ZNF682: variants seen among roughly 807,000 people sequenced by gnomAD.
The protein encoded by ZNF682 is zinc finger protein 682.
A neutral mutation model predicts 36.5 loss-of-function variants in ZNF682; 29 were observed. The ratio of observed to expected loss-of-function variants is 0.80; its 90% CI spans 0.59 to 1.08. The LOEUF (loss-of-function observed/expected upper bound fraction) is 1.08, where lower values mean the gene tolerates loss of function less well. ZNF682 is among the 50% of genes least tolerant of loss of function. The probability of loss-of-function intolerance (pLI) is 0.00; values close to 1 mark genes in which losing one functional copy is unlikely to be tolerated. For missense variants in ZNF682, 561 were observed against 579.7 expected (o/e 0.97, Z 0.33); for synonymous variants, 180 against 197.0 (o/e 0.91, Z 0.72).
At chr19:20,036,255 T>C (rs2088527707) in intron 1 of ZNF682, among the ~76,000 whole-genome samples, 1 of 152,184 alleles carries the variant, frequency 6.6e-6, no homozygotes, top group Non-Finnish European at 1.5e-5. Flanking sequence ...TCTCTCCAGA[T>C]ACTGAAGAGA....
At chr19:20,012,412 A>G (rs1286402653) in intron 3 of ZNF682, among the ~76,000 whole-genome samples, 1 of 152,218 alleles carries the variant, frequency 6.6e-6, no homozygotes, top group Non-Finnish European at 1.5e-5. Context: ...CAGACAACCT[A>G]TTGGGAGAAA....
chr19:19,999,789 C>G (rs1599598391), downstream of ZNF682, among the ~76,000 whole-genome samples: 3 of 152,302 alleles, frequency 2.0e-5, no homozygotes, highest in African/African-American at 7.2e-5. Context: ...CCTGCCTCGG[C>G]CTCCCAATTG....
downstream of ZNF682, among the ~76,000 whole-genome samples, chr19:20,001,441 C>T (rs146075403): frequency 5.0e-3 from 756 of 152,336 alleles, 4 homozygotes; most frequent in Non-Finnish European, 8.9e-3. Context: ...AGGAGGTGTG[C>T]ATGCACATGT....
In ZNF682 at chr19:20,005,092, T is replaced by G. The variant is rs577563929; in HGVS notation, c.*913A>C. On this transcript the variant is annotated 3_prime_UTR_variant, in exon 4 of 4. Coordinates refer to ENST00000397165, the MANE Select transcript of ZNF682 (RefSeq NM_033196.3). ...CATATAAACTAGCGTTCTTTCTTTT[T>G]TTTTGAGACAGAGTCTCTGTCGCCC... 1 of 152,288 alleles carries G rather than the reference T, an allele frequency of 6.6e-6. No homozygotes were observed. The highest frequency in any genetic ancestry group is 2.4e-5 in the African/African-American group (1 of 41,564). 9.4% of individuals were successfully genotyped at this position (152,288 alleles called of 1,614,324 possible).
chr19:20,032,922 A>G (rs1599618070), intron 1 of ZNF682, among the ~76,000 whole-genome samples: 1 of 152,262 alleles, frequency 6.6e-6, no homozygotes, highest in East Asian at 1.9e-4. Flanking sequence ...TAGTTTTGCA[A>G]CTTGGAGCCA....
At chr19:20,036,004 G>C (rs933043621) in intron 1 of ZNF682, among the ~76,000 whole-genome samples, 1 of 152,112 alleles carries the variant, frequency 6.6e-6, no homozygotes, top group South Asian at 2.1e-4. Context: ...CCAAAGTGCT[G>C]GGATTACAGG....
intron 3 of ZNF682, among the ~76,000 whole-genome samples, chr19:20,018,807 T>C (rs1203513819): frequency 6.6e-6 from 1 of 152,202 alleles, no homozygotes; most frequent in Admixed American, 6.5e-5. Context: ...GACATTGGAC[T>C]TGGCACTAAT....
chr19:20,039,267 G>T, intron 1 of ZNF682, 76 bp downstream of exon 1: 1 of 1,595,574 alleles, frequency 6.3e-7, no homozygotes, highest in East Asian at 2.2e-5. Flanking sequence ...GGAGGCCCCA[G>T]TCCCGTCACT....
chr19:20,003,565 C>T (rs555292706), downstream of ZNF682, among the ~76,000 whole-genome samples: 4 of 151,816 alleles, frequency 2.6e-5, no homozygotes, highest in East Asian at 1.9e-4. Flanking sequence ...ATTAGCTGGG[C>T]GTGGTGGTGG....
chr19:19,997,324 G>A (rs1015936106), intron 3 of ZNF682: 2 of 398,404 alleles, frequency 5.0e-6, no homozygotes, highest in Non-Finnish European at 8.8e-6. Flanking sequence ...CTACAGCAAA[G>A]CCTTTTCATA....
chr19:20,014,551 C>T (rs1303884467), intron 3 of ZNF682, among the ~76,000 whole-genome samples: 1 of 150,184 alleles, frequency 6.7e-6, no homozygotes, highest in Non-Finnish European at 1.5e-5. Flanking sequence ...GTGGGCGGAT[C>T]ATGAAGTTAG....
Position 20,005,859 on chromosome 19 carries a change from C to CA in ZNF682, c.*145dup, listed in dbSNP as rs2088210118. On this transcript the variant is annotated 3_prime_UTR_variant, in exon 4 of 4. Transcript: ENST00000397165. ...TTTCTTCTGTGCAATAAGCTGTCAG[C>CA]AATGGTTGAAGACTTTCCCCACATT... The CA allele has an allele frequency of 1.2e-6, 1 of 802,912 alleles. No individual in the cohort carries two copies. The highest frequency in any genetic ancestry group is 1.7e-5 in the African/African-American group (1 of 57,734). 49.7% of individuals were successfully genotyped at this position (802,912 alleles called of 1,614,324 possible). A position where few individuals can be genotyped will look rare whatever the true frequency, so the allele number is the denominator to read the frequency against.
At chr19:20,015,780 C>T in intron 3 of ZNF682, 1 of 397,890 alleles carries the variant, frequency 2.5e-6, no homozygotes, top group East Asian at 3.6e-5. Flanking sequence ...TTACATAATA[C>T]TAGGGAAACT....
Position 20,005,559 on chromosome 19 carries a change from T to A in ZNF682, c.*446A>T, listed in dbSNP as rs1018627048. The stretch of plus-strand genomic sequence containing the variant: ...AGTAAAAGTATTGCAACAATCTTTA[T>A]ATTTGTAATGTTTTTCTTCAGTATA... On this transcript the variant is annotated 3_prime_UTR_variant, in exon 4 of 4. Transcript: ENST00000397165. 6.4e-6 allele frequency: 1 copy of A among 157,172 alleles called. No individual in the cohort carries two copies. The highest frequency in any genetic ancestry group is 6.2e-5 in the Admixed American group (1 of 16,066). 9.7% of individuals were successfully genotyped at this position (157,172 alleles called of 1,614,324 possible). A position where few individuals can be genotyped will look rare whatever the true frequency, so the allele number is the denominator to read the frequency against.
chr19:20,019,740 C>T (rs1050483503), intron 3 of ZNF682, among the ~76,000 whole-genome samples: 3 of 152,136 alleles, frequency 2.0e-5, no homozygotes, highest in Non-Finnish European at 4.4e-5. Flanking sequence ...CATCACCAGT[C>T]ATCAGGCAGG....
intron 1 of ZNF682, among the ~76,000 whole-genome samples, chr19:20,026,842 T>C (rs2088436243): frequency 6.6e-6 from 1 of 152,118 alleles, no homozygotes; most frequent in Non-Finnish European, 1.5e-5. Context: ...GAAGCCTGGA[T>C]ACAAAGAATA....
intron 3 of ZNF682, chr19:20,008,081 C>G (rs556483211): frequency 6.6e-6 from 1 of 152,416 alleles, no homozygotes; most frequent in African/African-American, 2.4e-5. Context: ...AATCCATGGG[C>G]CCAGTGCCAA....
chr19:20,020,844 G>C lies in ZNF682; in HGVS notation c.226+2160C>G, dbSNP rs1042517498. Among the ~76,000 whole-genome samples, 30 of 152,178 alleles carry C rather than the reference G, an allele frequency of 2.0e-4. 1 individual carries two copies. The highest frequency in any genetic ancestry group is 1.7e-4 in the African/African-American group (7 of 41,440). ...AATAATGCATGATCCTCAGCTCTAT[G>C]GGTAATCTAAAAAGGATGAACTCAT... On this transcript the variant is annotated intron_variant, in intron 3 of 3. Coordinates refer to ENST00000397165, the MANE Select transcript of ZNF682 (RefSeq NM_033196.3).
chr19:20,028,178 T>C (rs960836940), intron 1 of ZNF682, among the ~76,000 whole-genome samples: 1 of 152,112 alleles, frequency 6.6e-6, no homozygotes, highest in Admixed American at 6.5e-5. Flanking sequence ...AGAAATCATC[T>C]GGTATTTCAA....
Sources: gnomAD v4.1 joint callset for allele counts (sites outside exome capture counted in the v4.1 genomes callset) on GRCh38, gnomAD v4.1.1 for gene constraint, MANE v1.5 for transcripts, NCBI Gene and HGNC (gene_info 2026-07-23, HGNC 2026-07-21) for gene names.